Variants in SLC30A7 observed in about 807,000 individuals in gnomAD.
The protein encoded by SLC30A7 is zinc transporter 7.
A neutral mutation model predicts 46.0 loss-of-function variants in SLC30A7; 35 were observed. The observed-to-expected ratio is 0.76, with a 90% CI of 0.58 to 1.01. The LOEUF (loss-of-function observed/expected upper bound fraction) is 1.01. SLC30A7 is among the 50% of genes least tolerant of loss of function. The probability of loss-of-function intolerance (pLI) is 0.00; values close to 1 mark genes in which losing one functional copy is unlikely to be tolerated. For synonymous variants in SLC30A7, 147 were observed against 157.8 expected (o/e 0.93, Z 0.51); for missense variants, 464 against 451.1 (o/e 1.03, Z -0.26).
At chr1:100,992,742 T>C in the SLC30A7 span, 1 of 1,607,046 alleles carries the variant, frequency 6.2e-7, no homozygotes, top group Non-Finnish European at 8.5e-7. Context: ...TTCCTTCCCC[T>C]ATAGGCAGAA....
intron 10 of SLC30A7, among the ~76,000 whole-genome samples, chr1:100,969,737 G>T (rs1656054574): frequency 6.6e-6 from 1 of 152,112 alleles, no homozygotes; most frequent in South Asian, 2.1e-4. Flanking sequence ...CAGAGACCAG[G>T]GATTCTTTGA....
intron 8 of SLC30A7, among the ~76,000 whole-genome samples, chr1:100,946,065 C>T (rs1654617701): frequency 6.6e-6 from 1 of 152,198 alleles, no homozygotes; most frequent in African/African-American, 2.4e-5. Context: ...TGGAAGTTCA[C>T]TCATGATTTG....
At chr1:100,995,454 TTTG>T in the SLC30A7 span, 1 of 220,604 alleles carries the variant, frequency 4.5e-6, no homozygotes, top group African/African-American at 2.2e-5. Flanking sequence ...AATCACAATC[TTTG>T]TTTTCATTTC....
chr1:100,938,546 C>G (rs1654128811), intron 8 of SLC30A7, among the ~76,000 whole-genome samples: 1 of 152,190 alleles, frequency 6.6e-6, no homozygotes, highest in Non-Finnish European at 1.5e-5. Context: ...CATTTATTAT[C>G]TCACAGTTTC....
At chr1:100,962,922 G>C (rs1185009739) in intron 9 of SLC30A7, among the ~76,000 whole-genome samples, 1 of 152,184 alleles carries the variant, frequency 6.6e-6, no homozygotes, top group Non-Finnish European at 1.5e-5. Context: ...TATATTAGCA[G>C]AGGGGAGAGA....
At chr1:100,983,784 A>G (rs1003797181), downstream of SLC30A7, among the ~76,000 whole-genome samples, 10 of 152,232 alleles carry the variant, frequency 6.6e-5, no homozygotes, top group African/African-American at 2.4e-4. Context: ...TATAAGCAGG[A>G]GCACTTAGAT....
the SLC30A7 span, chr1:100,990,161 G>A: frequency 2.1e-6 from 1 of 485,002 alleles, no homozygotes; most frequent in Non-Finnish European, 3.7e-6. Context: ...TCTTCACAGG[G>A]CGGCAAGAGT....
chr1:100,991,221 A>G, the SLC30A7 span, among the ~76,000 whole-genome samples: 1 of 152,222 alleles, frequency 6.6e-6, no homozygotes, highest in Non-Finnish European at 1.5e-5. Flanking sequence ...GGCACTATTT[A>G]TGTTTTTCAG....
intron 8 of SLC30A7, among the ~76,000 whole-genome samples, chr1:100,942,369 TC>T (rs1452270698): frequency 1.3e-5 from 2 of 152,302 alleles, no homozygotes; most frequent in South Asian, 4.1e-4. Flanking sequence ...ATCTGTAAAG[TC>T]ATTCTTTGTG....
chr1:100,972,352 A>C (rs1656205413), intron 10 of SLC30A7: 2 of 245,038 alleles, frequency 8.2e-6, no homozygotes, highest in African/African-American at 2.4e-5. Flanking sequence ...AAGCAAAATG[A>C]CTTTTTTTTC....
intron 8 of SLC30A7, among the ~76,000 whole-genome samples, chr1:100,940,075 A>C (rs61780316): frequency 0.029 from 4,341 of 152,222 alleles, 97 homozygotes; most frequent in Non-Finnish European, 0.048. Context: ...AGATACCTGA[A>C]AGAGCAAGAA....
intron 2 of SLC30A7, among the ~76,000 whole-genome samples, chr1:100,904,652 G>C (rs1651532293): frequency 6.6e-6 from 1 of 152,036 alleles, no homozygotes; most frequent in African/African-American, 2.4e-5. Context: ...GGTATGCCTT[G>C]TCTGTCAGAC....
At chr1:100,913,491 C>A (rs917075818) in intron 5 of SLC30A7, among the ~76,000 whole-genome samples, 172 bp from the exon 6 acceptor site, 4 of 152,168 alleles carry the variant, frequency 2.6e-5, no homozygotes, top group African/African-American at 4.8e-5. Flanking sequence ...TTCTGGTACT[C>A]CATAGCAGAA....
Position 100,921,777 on chromosome 1 carries a change from A to G in SLC30A7, c.778A>G (p.Asn260Asp), listed in dbSNP as rs1180805344. The G allele has an allele frequency of 1.9e-6, 3 of 1,613,048 alleles. No homozygotes were observed. In the Admixed American group the frequency reaches 5.0e-5, roughly 27 times the overall value. ...AATTGCTTCTGCCATCATGATGCAA[A>G]ATTTTGGTCTGATGATAGCAGATCC... ...GVIASAIMMQ[N>D]FGLMIADPIC... The change falls in exon 8 of 11, where the codon AAT becomes GAT. Residue 260 changes from asparagine to aspartate, a missense_variant. By Grantham distance (23) the Asn-to-Asp change is conservative. Coordinates refer to ENST00000357650, the MANE Select transcript of SLC30A7 (RefSeq NM_133496.5).
chr1:100,906,451 A>G (rs1372732316), intron 2 of SLC30A7, among the ~76,000 whole-genome samples: 2 of 152,074 alleles, frequency 1.3e-5, no homozygotes, highest in African/African-American at 2.4e-5. Context: ...GGAGCAGGAT[A>G]CTCAACAAAA....
At chr1:100,986,819 G>A in the SLC30A7 span, among the ~76,000 whole-genome samples, 1 of 152,194 alleles carries the variant, frequency 6.6e-6, no homozygotes, top group Non-Finnish European at 1.5e-5. Context: ...TGTGGGTGAT[G>A]AAACCGTTCT....
chr1:100,953,246 C>T (rs1389771363), intron 8 of SLC30A7, among the ~76,000 whole-genome samples: 1 of 152,168 alleles, frequency 6.6e-6, no homozygotes, highest in Non-Finnish European at 1.5e-5. Context: ...TCATAAATTA[C>T]GTAGTCCCAG....
intron 8 of SLC30A7, among the ~76,000 whole-genome samples, chr1:100,931,448 T>G (rs1383349605): frequency 2.6e-5 from 4 of 152,192 alleles, no homozygotes; most frequent in African/African-American, 9.6e-5. Context: ...GAGATAAGGT[T>G]ATCTCCTGGC....
At chr1:100,897,691 T>C (rs1430525045) in intron 2 of SLC30A7, among the ~76,000 whole-genome samples, 1 of 152,226 alleles carries the variant, frequency 6.6e-6, no homozygotes, top group Non-Finnish European at 1.5e-5. Context: ...TGTATACTTT[T>C]ATATAATGCT....
Sources: gnomAD v4.1 joint callset for allele counts (sites outside exome capture counted in the v4.1 genomes callset) on GRCh38, gnomAD v4.1.1 for gene constraint, MANE v1.5 for transcripts, NCBI Gene and HGNC (gene_info 2026-07-23, HGNC 2026-07-21) for gene names.